The following RBM20 variants were observed in gnomAD, a reference collection of about 807,000 sequenced individuals.
The protein encoded by RBM20 is RNA-binding protein 20.
Under a neutral mutation model 110.1 loss-of-function variants are expected in RBM20, and 51 were observed. That is an observed-to-expected ratio of 0.46 (90% confidence interval 0.37 to 0.59). The LOEUF is 0.59. Among genes scored for constraint, RBM20 ranks in the 20% least tolerant of loss-of-function variants. RBM20 has a pLI of 0.00. For missense variants in RBM20, 1,512 were observed against 1,574.9 expected, an observed-to-expected ratio of 0.96 and a Z score of 0.68; for synonymous variants, 589 against 618.2, an observed-to-expected ratio of 0.95 and a Z score of 0.70.
intron 6 of RBM20, among the ~76,000 whole-genome samples, chr10:110,798,489 G>C (rs1012694891): frequency 1.3e-5 from 2 of 152,164 alleles, no homozygotes; most frequent in African/African-American, 4.8e-5. Flanking sequence ...AATTCAGCTT[G>C]TAACATTGAT....
intron 1 of RBM20, among the ~76,000 whole-genome samples, chr10:110,699,658 CTT>C (rs1004780881): frequency 3.3e-5 from 5 of 152,034 alleles, no homozygotes; most frequent in Admixed American, 6.5e-5. Flanking sequence ...CTCTTTTTTC[CTT>C]TATACGGTGG....
At chr10:110,797,689 CCA>C (rs1844569462) in intron 6 of RBM20, 41 bp downstream of exon 6, 4 of 1,526,856 alleles carry the variant, frequency 2.6e-6, no homozygotes, top group African/African-American at 1.4e-5. Flanking sequence ...ATGCCACAGA[CCA>C]CACATTAGTG....
At chr10:110,763,072 C>G (rs1844028570) in intron 1 of RBM20, among the ~76,000 whole-genome samples, 1 of 152,174 alleles carries the variant, frequency 6.6e-6, no homozygotes, top group Non-Finnish European at 1.5e-5. Context: ...CTGGGACAGC[C>G]TGTGGGCTGT....
At position 110,821,405 on chromosome 10, in the gene RBM20, TG is replaced by T; in HGVS notation, c.2788del (p.Glu930LysfsTer20). ...ATCGTGGAACCAGACATCCCAGAGC[TG>T]GAAGAAATTGTGCCCATTGACCAGA... ...DFIVEPDIPE[L>X]EEIVPIDQKD... On this transcript the variant is annotated frameshift_variant, in exon 11 of 14. Coordinates refer to ENST00000369519, the MANE Select transcript of RBM20 (RefSeq NM_001134363.3). LOFTEE classifies it high-confidence loss of function. 1 of 1,551,770 alleles carries T rather than the reference TG, an allele frequency of 6.4e-7. No individual in the cohort carries two copies. Among genetic ancestry groups the T allele is most frequent in the Non-Finnish European group, 8.7e-7 (1 of 1,147,018 alleles).
chr10:110,662,659 G>A (rs2134826388), intron 1 of RBM20, among the ~76,000 whole-genome samples: 1 of 152,258 alleles, frequency 6.6e-6, no homozygotes, highest in Admixed American at 6.5e-5. Context: ...TCCTATTATA[G>A]GATCTATCCC....
chr10:110,720,098 C>G (rs746259695), intron 1 of RBM20, among the ~76,000 whole-genome samples: 2 of 152,132 alleles, frequency 1.3e-5, no homozygotes, highest in Non-Finnish European at 2.9e-5. Context: ...AGGGCTCTGT[C>G]CTAGTGACCT....
At chr10:110,673,110 C>T (rs1862285709) in intron 1 of RBM20, among the ~76,000 whole-genome samples, 1 of 152,022 alleles carries the variant, frequency 6.6e-6, no homozygotes, top group South Asian at 2.1e-4. Flanking sequence ...AACTTGTTTC[C>T]GTATTAGGTT....
intron 1 of RBM20, among the ~76,000 whole-genome samples, chr10:110,694,735 T>G (rs1032282861): frequency 6.6e-6 from 1 of 152,186 alleles, no homozygotes; most frequent in Non-Finnish European, 1.5e-5. Context: ...AACTGGATTA[T>G]ACCATAAGAA....
At chr10:110,741,725 C>T (rs1843727389) in intron 1 of RBM20, among the ~76,000 whole-genome samples, 1 of 152,040 alleles carries the variant, frequency 6.6e-6, no homozygotes, top group Non-Finnish European at 1.5e-5. Context: ...CCCCCTGCCC[C>T]CCATCACCTG....
At chr10:110,810,939 TA>T (rs1336389053) in intron 8 of RBM20, among the ~76,000 whole-genome samples, 3 of 151,924 alleles carry the variant, frequency 2.0e-5, no homozygotes, top group Non-Finnish European at 2.9e-5. Context: ...TGTAGATGGT[TA>T]AAAAAAATCA....
intron 1 of RBM20, among the ~76,000 whole-genome samples, chr10:110,748,621 G>A (rs564340255): frequency 1.3e-4 from 20 of 152,186 alleles, no homozygotes; most frequent in African/African-American, 3.6e-4. Flanking sequence ...CTGGGTTCTC[G>A]TAATCACACT....
At chr10:110,727,537 G>A (rs893412463) in intron 1 of RBM20, among the ~76,000 whole-genome samples, 2 of 151,894 alleles carry the variant, frequency 1.3e-5, no homozygotes, top group Non-Finnish European at 2.9e-5. Context: ...TAGTTGTCTG[G>A]TTGTTTACTC....
chr10:110,643,354 C>CA (rs1861814555), upstream of RBM20, among the ~76,000 whole-genome samples: 2 of 152,248 alleles, frequency 1.3e-5, no homozygotes, highest in Non-Finnish European at 2.9e-5. Context: ...TATTCGCACC[C>CA]ACGCGCCAGG....
At chr10:110,775,488 C>T (rs1282175158) in intron 1 of RBM20, among the ~76,000 whole-genome samples, 1 of 152,230 alleles carries the variant, frequency 6.6e-6, no homozygotes, top group Non-Finnish European at 1.5e-5. Context: ...TACTGCACTT[C>T]AGCTGTGTCC....
intron 1 of RBM20, among the ~76,000 whole-genome samples, chr10:110,715,488 T>G (rs1015838390): frequency 6.6e-6 from 1 of 152,250 alleles, no homozygotes; most frequent in South Asian, 2.1e-4. Context: ...TTTGCTGCAT[T>G]GTACTTATGT....
intron 1 of RBM20, among the ~76,000 whole-genome samples, chr10:110,700,036 T>A (rs2134892011): frequency 6.6e-6 from 1 of 152,326 alleles, no homozygotes; most frequent in African/African-American, 2.4e-5. Flanking sequence ...CAGATCAGTG[T>A]GTAATTTAAA....
At chr10:110,668,383 C>T (rs577225472) in intron 1 of RBM20, among the ~76,000 whole-genome samples, 2 of 152,278 alleles carry the variant, frequency 1.3e-5, no homozygotes, top group African/African-American at 4.8e-5. Flanking sequence ...AAGCATAAAA[C>T]AAGGGAAAAA....
chr10:110,816,319 C>T (rs1298970293), intron 9 of RBM20, among the ~76,000 whole-genome samples: 1 of 150,034 alleles, frequency 6.7e-6, no homozygotes, highest in Non-Finnish European at 1.5e-5. Flanking sequence ...TCACCTCCCC[C>T]GACACTACTG....
rs779777625 is a variant in RBM20, at chr10:110,781,222, C to A, written c.613C>A (p.Gln205Lys). ...VMHPFTGVMP[Q>K]TPGQPAVILG... ...GCATCCTTTCACTGGGGTAATGCCT[C>A]AGACCCCTGGCCAGCCAGCAGTCAT... The change falls in exon 2 of 14, where the codon CAG (glutamine) becomes AAG (lysine). Residue 205 changes from glutamine to lysine, a missense_variant. Physicochemically the swap from Gln to Lys is moderately conservative, Grantham distance 53. Around this residue, in one of 3 missense-constraint regions of RBM20, gnomAD observed 1,149 missense variants for 1,169.4 expected, o/e 0.98. Transcript: ENST00000369519. 8.7e-5 allele frequency: 135 copies of A among 1,551,598 alleles called. No homozygotes were observed. The highest frequency in any genetic ancestry group is 1.1e-4 in the Non-Finnish European group (126 of 1,147,028).
Sources: allele counts gnomAD v4.1 joint callset (sites outside exome capture counted in the v4.1 genomes callset), GRCh38; gene constraint gnomAD v4.1.1; regional missense constraint gnomAD v4.1.1; transcripts MANE v1.5; gene names NCBI Gene and HGNC (gene_info 2026-07-23, HGNC 2026-07-21).